The following PARP8 variants were observed in gnomAD, a reference collection of about 807,000 sequenced individuals.
PARP8 encodes the protein poly(ADP-ribose) polymerase family member 8.
A neutral mutation model predicts 124.1 loss-of-function variants in PARP8; 51 were observed. The observed-to-expected ratio is 0.41, with a 90% CI of 0.33 to 0.52. PARP8 has a LOEUF of 0.52. Ranked by LOEUF, PARP8 falls within the 20% of genes least tolerant of loss-of-function variation. PARP8 has a pLI of 0.21. For synonymous variants in PARP8, 391 were observed against 361.5 expected (o/e 1.08, Z -0.93); for missense variants, 860 against 1,018.9 (o/e 0.84, Z 2.12).
chr5:50,815,658 A>T, intron 15 of PARP8, 134 bp downstream of exon 15: 2 of 536,146 alleles, frequency 3.7e-6, no homozygotes, highest in African/African-American at 2.0e-5. Flanking sequence ...TTGGCATTTG[A>T]TTTTTTTTAT....
At chr5:50,815,805 A>G (rs1745034209) in intron 15 of PARP8, among the ~76,000 whole-genome samples, 1 of 152,186 alleles carries the variant, frequency 6.6e-6, no homozygotes, top group South Asian at 2.1e-4. Context: ...GGAGATATTG[A>G]AACCCTCGTG....
intron 2 of PARP8, among the ~76,000 whole-genome samples, chr5:50,693,694 A>G (rs1433899544): frequency 2.0e-5 from 3 of 151,572 alleles, no homozygotes; most frequent in Admixed American, 2.0e-4. Flanking sequence ...AATTATGTAA[A>G]TTAATCATTT....
At chr5:50,698,679 A>G (rs1753282394) in intron 2 of PARP8, among the ~76,000 whole-genome samples, 1 of 152,214 alleles carries the variant, frequency 6.6e-6, no homozygotes, top group African/African-American at 2.4e-5. Flanking sequence ...TAGTACCTTT[A>G]TCCCTTCTCT....
chr5:50,790,375 G>A (rs1388797346), intron 10 of PARP8, among the ~76,000 whole-genome samples: 2 of 152,026 alleles, frequency 1.3e-5, no homozygotes, highest in Non-Finnish European at 2.9e-5. Context: ...CCCATATCCT[G>A]CGTGTCTTGG....
chr5:50,838,444 C>T (rs111281389), intron 25 of PARP8, among the ~76,000 whole-genome samples: 3,426 of 151,936 alleles, frequency 0.023, 105 homozygotes, highest in African/African-American at 0.069. Context: ...TAAACATTAC[C>T]GTTATTACAC....
chr5:50,708,026 A>AT (rs899758915), intron 2 of PARP8, among the ~76,000 whole-genome samples: 1 of 151,890 alleles, frequency 6.6e-6, no homozygotes, highest in South Asian at 2.1e-4. Context: ...ATAAGTATAT[A>AT]TTTTTTCTTC....
chr5:50,708,827 G>C (rs1445102253), intron 2 of PARP8, among the ~76,000 whole-genome samples: 1 of 151,856 alleles, frequency 6.6e-6, no homozygotes, highest in African/African-American at 2.4e-5. Flanking sequence ...CGTCAACCAG[G>C]CTGGAGTGCA....
At chr5:50,754,116 C>CATATATATATATATATATATAT (rs373375463) in intron 3 of PARP8, among the ~76,000 whole-genome samples, 25 of 64,628 alleles carry the variant, frequency 3.9e-4, no homozygotes, top group East Asian at 5.4e-4. Context: ...TGAAAACATT[C>CATATATATATATATATATATAT]ATATATATAT....
At chr5:50,756,988 G>T (rs1760032386) in intron 3 of PARP8, 1 of 322,710 alleles carries the variant, frequency 3.1e-6, no homozygotes, top group Non-Finnish European at 6.3e-6. Context: ...CCATGTTGTT[G>T]CAGATGGCAG....
intron 25 of PARP8, among the ~76,000 whole-genome samples, chr5:50,836,484 A>G (rs900737356): frequency 7.2e-5 from 11 of 152,184 alleles, no homozygotes; most frequent in Non-Finnish European, 1.6e-4. Flanking sequence ...CAGAGCTGTT[A>G]TACATTCCCA....
intron 18 of PARP8, among the ~76,000 whole-genome samples, chr5:50,826,005 A>T (rs1444571061): frequency 6.6e-6 from 1 of 152,130 alleles, no homozygotes; most frequent in Non-Finnish European, 1.5e-5. Flanking sequence ...AAGTAAAATA[A>T]CACTAAATTT....
intron 2 of PARP8, among the ~76,000 whole-genome samples, chr5:50,728,158 G>T (rs1258723666): frequency 2.6e-5 from 4 of 152,198 alleles, no homozygotes; most frequent in Non-Finnish European, 5.9e-5. Flanking sequence ...CTAGGTAGAA[G>T]TAAATGATGG....
At chr5:50,819,078 G>T (rs974196105) in intron 15 of PARP8, among the ~76,000 whole-genome samples, 1 of 152,180 alleles carries the variant, frequency 6.6e-6, no homozygotes, top group Non-Finnish European at 1.5e-5. Flanking sequence ...GTGGAAATGT[G>T]CTTTGCTGAG....
chr5:50,670,381 T>C (rs1749866964), intron 2 of PARP8, among the ~76,000 whole-genome samples: 1 of 152,272 alleles, frequency 6.6e-6, no homozygotes, highest in Non-Finnish European at 1.5e-5. Flanking sequence ...AGATAAAACT[T>C]ACTATACCGT....
In PARP8 at chr5:50,813,946, T is replaced by C. The variant is rs140133770; in HGVS notation, c.1576-1486T>C. Among the ~76,000 whole-genome samples, 1,005 of 152,200 alleles carry C rather than the reference T, an allele frequency of 6.6e-3. 6 individuals are homozygous for C. Among genetic ancestry groups the C allele is most frequent in the Non-Finnish European group, 8.7e-3 (591 of 67,994 alleles). ...CATGTCAGTAAATGAGCCTTTGAGA[T>C]TGATGGATTTTAATCATATAAAAGT... is the stretch of plus-strand genomic sequence containing the variant. On this transcript the variant is annotated intron_variant, in intron 14 of 25. Coordinates refer to ENST00000281631, the MANE Select transcript of PARP8 (RefSeq NM_024615.4).
At chr5:50,812,931 C>T (rs1326737454) in intron 14 of PARP8, among the ~76,000 whole-genome samples, 2 of 152,064 alleles carry the variant, frequency 1.3e-5, no homozygotes, top group African/African-American at 4.8e-5. Flanking sequence ...TCTGAGGGCT[C>T]TGTTCTGTTC....
At chr5:50,667,255 TG>T (rs935578586) in intron 1 of PARP8, 69 bp downstream of exon 1, 10 of 1,382,138 alleles carry the variant, frequency 7.2e-6, no homozygotes, top group Non-Finnish European at 1.0e-5. Context: ...GCGACGTCTG[TG>T]GCTGGGGGTG....
chr5:50,809,030 A>G (rs1403864477), intron 14 of PARP8, among the ~76,000 whole-genome samples: 1 of 152,122 alleles, frequency 6.6e-6, no homozygotes, highest in African/African-American at 2.4e-5. Context: ...GGTTTAAAAA[A>G]AAATCCAAAC....
At chr5:50,778,026 G>A (rs747894183) in intron 7 of PARP8, 43 bp from the exon 8 acceptor site, 9 of 1,414,318 alleles carry the variant, frequency 6.4e-6, no homozygotes, top group Admixed American at 5.7e-5. Flanking sequence ...CATCTTTTAA[G>A]CATCATTAAA....
Sources: gnomAD v4.1 joint callset for allele counts (sites outside exome capture counted in the v4.1 genomes callset) on GRCh38, gnomAD v4.1.1 for gene constraint, MANE v1.5 for transcripts, NCBI Gene and HGNC (gene_info 2026-07-23, HGNC 2026-07-21) for gene names.